The following ZNF362 variants were observed in gnomAD, a reference collection of about 807,000 sequenced individuals.
The protein encoded by ZNF362 is rotund homolog.
Under a neutral mutation model 42.9 loss-of-function variants are expected in ZNF362, and 11 were observed. That is an observed-to-expected ratio of 0.26 (90% CI 0.16 to 0.42). The LOEUF (loss-of-function observed/expected upper bound fraction) is 0.42. Among genes scored for constraint, ZNF362 ranks in the 20% least tolerant of loss-of-function variants. The pLI, the probability that ZNF362 is intolerant of heterozygous loss-of-function variation, is 1.00. For missense variants in ZNF362, 362 were observed against 576.2 expected (o/e 0.63, Z 3.81); for synonymous variants, 255 against 257.3 (o/e 0.99, Z 0.09).
the ZNF362 span, among the ~76,000 whole-genome samples, chr1:33,212,986 A>C: frequency 6.6e-6 from 1 of 152,242 alleles, no homozygotes; most frequent in African/African-American, 2.4e-5. Context: ...GAATAAACTA[A>C]ATGTGGCACA....
At chr1:33,258,051 C>T (rs10914671) in intron 1 of ZNF362, among the ~76,000 whole-genome samples, 114,821 of 152,122 alleles carry the variant, frequency 0.75, 43,398 homozygotes, top group East Asian at 0.82. Flanking sequence ...CAGTGGGTCC[C>T]GTCTGAGGGA....
At chr1:33,214,993 G>C in the ZNF362 span, among the ~76,000 whole-genome samples, 1 of 152,062 alleles carries the variant, frequency 6.6e-6, no homozygotes. Context: ...TCCACTAGTA[G>C]GTATACATCC....
At chr1:33,292,078 C>G (rs991187788) in intron 6 of ZNF362, among the ~76,000 whole-genome samples, 102 of 152,126 alleles carry the variant, frequency 6.7e-4, no homozygotes, top group African/African-American at 2.2e-3. Context: ...CTGCCTGATT[C>G]CCCTGGCCAG....
intron 1 of ZNF362, among the ~76,000 whole-genome samples, chr1:33,259,572 C>G (rs954700934): frequency 8.5e-5 from 13 of 152,218 alleles, no homozygotes; most frequent in African/African-American, 3.1e-4. Flanking sequence ...TTTATTCTTT[C>G]ATTATCCATT....
the ZNF362 span, among the ~76,000 whole-genome samples, chr1:33,247,177 G>A: frequency 2.6e-5 from 4 of 152,192 alleles, no homozygotes; most frequent in Non-Finnish European, 4.4e-5. Flanking sequence ...CTGGTCTATG[G>A]TGGATTTCTA....
At chr1:33,219,456 T>A in the ZNF362 span, among the ~76,000 whole-genome samples, 1 of 152,080 alleles carries the variant, frequency 6.6e-6, no homozygotes, top group Admixed American at 6.5e-5. Context: ...TGGAGGGAGA[T>A]TGCAGGGCAG....
chr1:33,158,846 C>CTT, the ZNF362 span, among the ~76,000 whole-genome samples: 5 of 145,574 alleles, frequency 3.4e-5, no homozygotes. Flanking sequence ...TCTTTTTTTT[C>CTT]TTTTTTTTTT....
the ZNF362 span, among the ~76,000 whole-genome samples, chr1:33,213,725 G>T: frequency 6.6e-6 from 1 of 152,116 alleles, no homozygotes; most frequent in South Asian, 2.1e-4. Context: ...TGTGCCTGTA[G>T]TCCCAGCTAC....
chr1:33,132,049 C>T, the ZNF362 span, among the ~76,000 whole-genome samples: 8 of 152,288 alleles, frequency 5.3e-5, no homozygotes, highest in Non-Finnish European at 7.4e-5. Flanking sequence ...TTAATGTGAC[C>T]GGGCTCCATT....
chr1:33,275,108 G>T (rs1304929492), intron 2 of ZNF362: 2 of 985,322 alleles, frequency 2.0e-6, no homozygotes, highest in Non-Finnish European at 2.4e-6. Flanking sequence ...AGTTAGGCAA[G>T]TGATTTCTGT....
the ZNF362 span, among the ~76,000 whole-genome samples, chr1:33,210,751 C>T: frequency 2.6e-5 from 4 of 152,108 alleles, no homozygotes; most frequent in East Asian, 3.9e-4. Flanking sequence ...ATTGCAACCC[C>T]TACTTTTTTT....
the ZNF362 span, among the ~76,000 whole-genome samples, chr1:33,149,480 G>C: frequency 6.6e-6 from 1 of 151,630 alleles, no homozygotes; most frequent in Non-Finnish European, 1.5e-5. Context: ...ATACAGACAG[G>C]GTCTCACTCT....
the ZNF362 span, among the ~76,000 whole-genome samples, chr1:33,247,006 T>C: frequency 1.3e-5 from 2 of 152,148 alleles, no homozygotes; most frequent in African/African-American, 4.8e-5. Context: ...GTTCAAGAGG[T>C]GCAGAGAGGA....
chr1:33,238,466 C>T, the ZNF362 span, among the ~76,000 whole-genome samples: 1 of 152,066 alleles, frequency 6.6e-6, no homozygotes, highest in Admixed American at 6.5e-5. Context: ...CCATTTGAGT[C>T]ATGTGACCGT....
At chr1:33,200,796 TC>T in the ZNF362 span, among the ~76,000 whole-genome samples, 1 of 152,142 alleles carries the variant, frequency 6.6e-6, no homozygotes, top group African/African-American at 2.4e-5. Context: ...CTTTCCAAAA[TC>T]ATAAAGTCCT....
intron 2 of ZNF362, among the ~76,000 whole-genome samples, chr1:33,274,203 CTGA>C (rs1645925982): frequency 6.6e-6 from 1 of 152,224 alleles, no homozygotes; most frequent in African/African-American, 2.4e-5. Flanking sequence ...ACGTAAGGGA[CTGA>C]TGAGCTGGAC....
At chr1:33,154,198 C>T in the ZNF362 span, among the ~76,000 whole-genome samples, 1 of 152,220 alleles carries the variant, frequency 6.6e-6, no homozygotes, top group Non-Finnish European at 1.5e-5. Flanking sequence ...TGGTGGCTCA[C>T]GCCTGTAATG....
the ZNF362 span, among the ~76,000 whole-genome samples, chr1:33,208,192 TC>T: frequency 2.6e-5 from 4 of 152,236 alleles, no homozygotes; most frequent in African/African-American, 9.6e-5. Context: ...AAATAGGGCA[TC>T]CTTTCCCCAT....
chr1:33,165,336 C>T, the ZNF362 span: 2 of 751,532 alleles, frequency 2.7e-6, no homozygotes, highest in Admixed American at 5.4e-5. This position sits in a 1 kb window ranked among gnomAD's most constrained non-coding sequence, Gnocchi z 4.0. Context: ...GCCCTTCTCA[C>T]TCCAGGTTTG....
Sources: allele counts gnomAD v4.1 joint callset (sites outside exome capture counted in the v4.1 genomes callset), GRCh38; gene constraint gnomAD v4.1.1; non-coding constraint Gnocchi (gnomAD v3.1); transcripts MANE v1.5; gene names NCBI Gene and HGNC (gene_info 2026-07-23, HGNC 2026-07-21).